AMD1: variants seen among roughly 807,000 people sequenced by gnomAD.
AMD1 encodes the protein adenosylmethionine decarboxylase 1, also known as S-adenosylmethionine decarboxylase proenzyme.
AMD1 carries 11 observed loss-of-function variants against 40.2 expected under a neutral mutation model. That is an observed-to-expected ratio of 0.27 (90% CI 0.17 to 0.45). The LOEUF (loss-of-function observed/expected upper bound fraction) is 0.45, where lower values mean the gene tolerates loss of function less well. Among genes scored for constraint, AMD1 ranks in the 20% least tolerant of loss-of-function variants. AMD1 has a pLI of 1.00. For missense variants in AMD1, 257 were observed against 410.2 expected (o/e 0.63, Z 3.23); for synonymous variants, 121 against 130.8 (o/e 0.93, Z 0.51).
rs937826065 is a variant in AMD1 at position 110,894,529 on chromosome 6, C to G, written c.*913C>G. The stretch of plus-strand genomic sequence containing the variant: ...TGTGGAAAACATACAATTCTGTGTT[C>G]CTCAGTAAATGAGATTAGCGTCTAA... On this transcript the variant is annotated 3_prime_UTR_variant, in exon 9 of 9. Transcript: ENST00000368885. The G allele has an allele frequency of 6.6e-6, 1 of 152,156 alleles. No homozygotes were observed. The highest frequency in any genetic ancestry group is 1.5e-5 in the Non-Finnish European group (1 of 68,038). 9.4% of individuals were successfully genotyped at this position (152,156 alleles called of 1,614,324 possible). A position where few individuals can be genotyped will look rare whatever the true frequency, so the allele number is the denominator to read the frequency against.
chr6:110,878,549 T>C lies in AMD1; in HGVS notation c.110+3334T>C, dbSNP rs58015153. On this transcript the variant is annotated intron_variant, in intron 1 of 8. Coordinates refer to ENST00000368885, the MANE Select transcript of AMD1 (RefSeq NM_001634.6). ...GTATATCCAGATGAATAAAGGACAA[T>C]TAAGGGAGAGGCGGTTTCTTAGGGG... Among the ~76,000 whole-genome samples, 273 of 152,224 alleles carry C rather than the reference T, an allele frequency of 1.8e-3. 7 individuals carry two copies. In the East Asian group the frequency reaches 0.048, roughly 27 times the overall value.
At chr6:110,833,005 G>A in the AMD1 span, among the ~76,000 whole-genome samples, 14 of 152,134 alleles carry the variant, frequency 9.2e-5, no homozygotes, top group African/African-American at 3.1e-4. Context: ...ATTTTCAGTA[G>A]AGATGGGGTT....
chr6:110,886,236 A>T (rs1370632819), intron 1 of AMD1, among the ~76,000 whole-genome samples: 3 of 151,984 alleles, frequency 2.0e-5, no homozygotes, highest in African/African-American at 4.8e-5. Context: ...AAAAAAAAAA[A>T]AAAGATTTGC....
the AMD1 span, among the ~76,000 whole-genome samples, chr6:110,847,482 G>A: frequency 1.9e-3 from 286 of 151,292 alleles, 1 homozygote; most frequent in African/African-American, 5.2e-3. Flanking sequence ...CCGAGATCGC[G>A]CCACTGCACT....
At chr6:110,857,936 G>C in the AMD1 span, among the ~76,000 whole-genome samples, 8 of 151,930 alleles carry the variant, frequency 5.3e-5, no homozygotes, top group Non-Finnish European at 1.0e-4. Flanking sequence ...CTGAACTCAA[G>C]CTGTCCTTCC....
the AMD1 span, among the ~76,000 whole-genome samples, chr6:110,869,368 G>A: frequency 3.4e-4 from 52 of 152,104 alleles, no homozygotes; most frequent in African/African-American, 1.2e-3. Context: ...TCCTGACCTC[G>A]TGATCCGCCC....
chr6:110,881,614 G>A (rs113653483), intron 1 of AMD1, among the ~76,000 whole-genome samples: 1,754 of 151,994 alleles, frequency 0.012, 30 homozygotes, highest in African/African-American at 0.04. Flanking sequence ...TCAGGAGTTC[G>A]AGACCAGCCT....
the AMD1 span, among the ~76,000 whole-genome samples, chr6:110,826,845 C>G: frequency 5.1e-4 from 77 of 152,008 alleles, 1 homozygote; most frequent in Non-Finnish European, 9.3e-4. Flanking sequence ...GTGCCCACCA[C>G]CAGACCTGGC....
chr6:110,877,204 T>C (rs1785159767), intron 1 of AMD1, among the ~76,000 whole-genome samples: 1 of 152,226 alleles, frequency 6.6e-6, no homozygotes, highest in African/African-American at 2.4e-5. Context: ...ACATGTAACA[T>C]TCATTGAACA....
At chr6:110,857,762 G>A in the AMD1 span, among the ~76,000 whole-genome samples, 1 of 144,238 alleles carries the variant, frequency 6.9e-6, no homozygotes, top group Non-Finnish European at 1.5e-5. Context: ...TATATATATA[G>A]ATGGTGTGTA....
In AMD1 at chr6:110,894,449, G is replaced by A. The variant is rs1162944881; in HGVS notation, c.*833G>A. The A allele has an allele frequency of 6.6e-6, 1 of 152,294 alleles. No individual in the cohort carries two copies. The highest frequency in any genetic ancestry group is 2.4e-5 in the African/African-American group (1 of 41,408). 9.4% of individuals were successfully genotyped at this position (152,294 alleles called of 1,614,324 possible). On this transcript the variant is annotated 3_prime_UTR_variant, in exon 9 of 9. Coordinates refer to ENST00000368885, the MANE Select transcript of AMD1 (RefSeq NM_001634.6). ...TAATGTGCTCTTTTGGAAAATAGTT[G>A]GTTAGCAGGGAAGACCCAGAGTTGT...
chr6:110,890,025 G>A (rs1221209178), intron 3 of AMD1: 1 of 414,646 alleles, frequency 2.4e-6, no homozygotes, highest in East Asian at 4.5e-5. Context: ...GAGAGAGAGA[G>A]AGAGATGGGG....
the AMD1 span, among the ~76,000 whole-genome samples, chr6:110,869,505 C>CTTTTTTTT: frequency 7.0e-6 from 1 of 143,884 alleles, no homozygotes; most frequent in Non-Finnish European, 1.5e-5. Context: ...TTTACAGTTT[C>CTTTTTTTT]TTTTTTTTTT....
chr6:110,869,055 T>G, the AMD1 span, among the ~76,000 whole-genome samples: 128,876 of 150,536 alleles, frequency 0.86, 55,285 homozygotes, highest in Middle Eastern at 0.93. Flanking sequence ...GCGAAACTCG[T>G]TCTCAAAAAA....
At position 110,893,190 on chromosome 6, in the gene AMD1, A is replaced by T. The variant is rs553206002; in HGVS notation, c.864+125A>T. 43 of 991,426 alleles carry T rather than the reference A, an allele frequency of 4.3e-5. No homozygotes were observed. The African/African-American group carries it at 5.6e-4, about 13-fold the overall frequency. The allele number at this position is 991,426 out of a possible 1,614,324, so 61.4% of individuals were successfully genotyped here. A position where few individuals can be genotyped will look rare whatever the true frequency, so the allele number is the denominator to read the frequency against. On this transcript the variant is annotated intron_variant, in intron 8 of 8. Coordinates refer to ENST00000368885, the MANE Select transcript of AMD1 (RefSeq NM_001634.6). ...ACCAGCCACTCAGATATCCAGAAGT[A>T]ATATTGTTTGAGGTTACTGGTAGCT... is the stretch of plus-strand genomic sequence containing the variant.
chr6:110,851,154 C>T, the AMD1 span, among the ~76,000 whole-genome samples: 5 of 151,864 alleles, frequency 3.3e-5, no homozygotes, highest in Admixed American at 6.6e-5. Context: ...TTAGTAGAGA[C>T]GAGGTTTCAG....
intron 3 of AMD1, 89 bp from the exon 4 acceptor site, chr6:110,890,164 AT>A: frequency 1.0e-6 from 1 of 958,682 alleles, no homozygotes; most frequent in Non-Finnish European, 1.5e-6. Flanking sequence ...AGTTTTTGAT[AT>A]GTGGACAATA....
At chr6:110,858,619 G>A in the AMD1 span, 16 of 1,482,168 alleles carry the variant, frequency 1.1e-5, no homozygotes, top group African/African-American at 1.4e-5. Flanking sequence ...TTCTCGCCCT[G>A]GTGAGTAAGG....
chr6:110,848,150 T>C, the AMD1 span, among the ~76,000 whole-genome samples: 1 of 152,096 alleles, frequency 6.6e-6, no homozygotes, highest in Admixed American at 6.6e-5. Context: ...TGTGTTTGTT[T>C]GGAATGAAGA....
Sources: allele counts gnomAD v4.1 joint callset (sites outside exome capture counted in the v4.1 genomes callset), GRCh38; gene constraint gnomAD v4.1.1; transcripts MANE v1.5; gene names NCBI Gene and HGNC (gene_info 2026-07-23, HGNC 2026-07-21).